BCOR: variants seen among roughly 807,000 people sequenced by gnomAD.
BCOR encodes the protein BCL6 corepressor.
A neutral mutation model predicts 86.7 loss-of-function variants in BCOR; 10 were observed. The ratio of observed to expected loss-of-function variants is 0.12; its 90% CI spans 0.07 to 0.20. The LOEUF is 0.20. BCOR is among the 10% of genes least tolerant of loss of function. BCOR has a pLI of 1.00. For synonymous variants in BCOR, 611 were observed against 609.0 expected (o/e 1.00, Z -0.05); for missense variants, 1,259 against 1,452.1 (o/e 0.87, Z 2.16).
intron 1 of BCOR, among the ~76,000 whole-genome samples, chrX:40,169,664 C>G (rs191014442): frequency 9.0e-5 from 10 of 111,492 alleles, no homozygotes; most frequent in East Asian, 5.6e-4. Flanking sequence ...CAATCCCCCC[C>G]CTACTGGTCG....
At chrX:40,120,675 T>G (rs981266442) in intron 1 of BCOR, among the ~76,000 whole-genome samples, 4 of 111,803 alleles carry the variant, frequency 3.6e-5, no homozygotes, top group Non-Finnish European at 7.5e-5. Context: ...TGCCAGGTGC[T>G]GCTCCAGGCT....
At chrX:40,126,884 C>T (rs1937551342) in intron 1 of BCOR, among the ~76,000 whole-genome samples, 1 of 110,511 alleles carries the variant, frequency 9.0e-6, no homozygotes, top group Admixed American at 9.6e-5. Context: ...CACACACACA[C>T]ACACATTGGG....
intron 8 of BCOR, 39 bp from the exon 9 acceptor site, chrX:40,063,110 G>GGGT: frequency 3.1e-6 from 2 of 644,550 alleles, no homozygotes; most frequent in Non-Finnish European, 4.5e-6. Context: ...GGGCGGATGG[G>GGGT]AGACGGGAGA....
chrX:40,062,455 C>T (rs1454004327), intron 9 of BCOR, 62 bp from the exon 10 acceptor site: 3 of 1,152,348 alleles, frequency 2.6e-6, no homozygotes, highest in Non-Finnish European at 3.5e-6. Context: ...CCGCTGCTTC[C>T]CCTCCTCCTC....
In BCOR at chrX:40,105,066, C is replaced by A. The variant is rs1401601090; in HGVS notation, c.-40-27097G>T. On this transcript the variant is annotated intron_variant, in intron 1 of 14. Coordinates refer to the BCOR transcript ENST00000342274. ...GGCCGCTCCCTGGCTGGCGCCGGGG[C>A]GCCAAGCTGCGCTTCACGTGCCCGC... Among the ~76,000 whole-genome samples, 10 of 110,009 alleles carry A rather than the reference C, an allele frequency of 9.1e-5. No homozygotes were observed. In the Admixed American group the frequency reaches 9.3e-4, roughly 10 times the overall value.
intron 1 of BCOR, among the ~76,000 whole-genome samples, chrX:40,110,671 T>TC (rs1937291645): frequency 2.2e-4 from 1 of 4,588 alleles, no homozygotes; most frequent in Non-Finnish European, 3.6e-4. Flanking sequence ...CTTTTTCTTT[T>TC]TTTTTTTTTT....
At chrX:40,075,310 C>CTGGGGGGG in intron 3 of BCOR, 130 bp from the exon 4 acceptor site, 1 of 146,485 alleles carries the variant, frequency 6.8e-6, no homozygotes, top group Non-Finnish European at 1.3e-5. Flanking sequence ...GACAGGCTTC[C>CTGGGGGGG]GGCGGGGCGG....
chrX:40,064,021 C>G, intron 7 of BCOR, 69 bp from the exon 8 acceptor site: 1 of 482,962 alleles, frequency 2.1e-6, no homozygotes, highest in South Asian at 3.4e-5. Context: ...TTACGCATCA[C>G]TAATGGGGTG....
chrX:40,075,308 TC>T, intron 3 of BCOR, 128 bp from the exon 4 acceptor site: 8 of 176,578 alleles, frequency 4.5e-5, no homozygotes, highest in South Asian at 1.0e-4. Flanking sequence ...AAGACAGGCT[TC>T]CGGCGGGGCG....
intron 1 of BCOR, among the ~76,000 whole-genome samples, chrX:40,103,828 TAAG>T (rs1937118013): frequency 8.9e-6 from 1 of 111,827 alleles, no homozygotes; most frequent in Admixed American, 9.5e-5. Context: ...AAGATAACGC[TAAG>T]CTGGGGCAAA....
upstream of BCOR, among the ~76,000 whole-genome samples, chrX:40,102,436 G>C (rs1050026391): frequency 1.8e-5 from 2 of 113,748 alleles, no homozygotes; most frequent in Non-Finnish European, 3.7e-5. Context: ...TCTTGCGCTC[G>C]GCAAGGGCTT....
At chrX:40,133,453 CTTT>C (rs757749262) in intron 1 of BCOR, among the ~76,000 whole-genome samples, 20 of 85,626 alleles carry the variant, frequency 2.3e-4, no homozygotes, top group African/African-American at 8.1e-4. Context: ...TCAATTTCAA[CTTT>C]TTTTTTTTTT....
chrX:40,065,666 A>G (rs1309752363), intron 6 of BCOR, among the ~76,000 whole-genome samples: 1 of 111,951 alleles, frequency 8.9e-6, no homozygotes, highest in Non-Finnish European at 1.9e-5. Flanking sequence ...TCTAATACAC[A>G]ATGAATATAA....
Position 40,151,948 on chromosome X carries a change from C to A in BCOR, c.-41+25059G>T, listed in dbSNP as rs746777925. On this transcript the variant is annotated intron_variant, in intron 1 of 14. Coordinates refer to the BCOR transcript ENST00000342274. ...ATCAAGTTTCAGGCCGCGCTGGAGG[C>A]GCCAGGGGCCGGCCACAGGCCCAGG... is the stretch of plus-strand genomic sequence containing the variant. Among the ~76,000 whole-genome samples, 78 of 111,980 alleles carry A rather than the reference C, an allele frequency of 7.0e-4. 1 individual carries two copies. Among genetic ancestry groups the A allele is most frequent in the African/African-American group, 2.2e-3 (69 of 30,834 alleles).
intron 1 of BCOR, among the ~76,000 whole-genome samples, chrX:40,143,220 CTGTGTG>C (rs745604370): frequency 9.1e-6 from 1 of 109,652 alleles, no homozygotes; most frequent in Non-Finnish European, 1.9e-5. Context: ...TGCTGTGTGT[CTGTGTG>C]TGTGTGTGTG....
At chrX:40,169,521 G>A (rs2148026916) in intron 1 of BCOR, among the ~76,000 whole-genome samples, 1 of 111,182 alleles carries the variant, frequency 9.0e-6, no homozygotes, top group South Asian at 3.8e-4. Flanking sequence ...GCTTTTGTGT[G>A]GCTTTTGTTT....
intron 1 of BCOR, among the ~76,000 whole-genome samples, chrX:40,123,399 C>G (rs1937512283): frequency 9.1e-6 from 1 of 109,630 alleles, no homozygotes; most frequent in Admixed American, 9.8e-5. Context: ...GTCACCCAGA[C>G]TGGAGTGCAA....
intron 12 of BCOR, 102 bp downstream of exon 12, chrX:40,055,266 G>T: frequency 1.1e-6 from 1 of 878,415 alleles, no homozygotes; most frequent in Non-Finnish European, 1.7e-6. Flanking sequence ...AAGCTTTACA[G>T]TTTCAGCCTT....
At chrX:40,094,168 C>T (rs892893710) in intron 1 of BCOR, among the ~76,000 whole-genome samples, 3 of 111,789 alleles carry the variant, frequency 2.7e-5, no homozygotes, top group African/African-American at 9.8e-5. Flanking sequence ...CCACGGCCTT[C>T]CCTCCACCCA....
Sources: gnomAD v4.1 joint callset for allele counts (sites outside exome capture counted in the v4.1 genomes callset) on GRCh38, gnomAD v4.1.1 for gene constraint, MANE v1.5 for transcripts, NCBI Gene and HGNC (gene_info 2026-07-23, HGNC 2026-07-21) for gene names.